The following RORA variants were observed in gnomAD, a reference collection of about 807,000 sequenced individuals.
RORA encodes RAR related orphan receptor A.
A neutral mutation model predicts 69.5 loss-of-function variants in RORA; 7 were observed. The ratio of observed to expected loss-of-function variants is 0.10; its 90% CI spans 0.06 to 0.19. The LOEUF (loss-of-function observed/expected upper bound fraction) is 0.19, where lower values mean the gene tolerates loss of function less well. Among genes scored for constraint, RORA ranks in the 10% least tolerant of loss-of-function variants. RORA has a pLI of 1.00. For missense variants in RORA, 457 were observed against 663.0 expected, an observed-to-expected ratio of 0.69 and a Z score of 3.41; for synonymous variants, 261 against 240.8, an observed-to-expected ratio of 1.08 and a Z score of -0.78.
At chr15:60,764,371 A>T (rs1339628849) in intron 1 of RORA, among the ~76,000 whole-genome samples, 1 of 152,160 alleles carries the variant, frequency 6.6e-6, no homozygotes, top group Non-Finnish European at 1.5e-5. Context: ...ACTATCAGTA[A>T]AATAAAGGAA....
intron 1 of RORA, among the ~76,000 whole-genome samples, chr15:61,205,320 T>C (rs78906910): frequency 0.024 from 3,585 of 152,244 alleles, 136 homozygotes; most frequent in African/African-American, 0.081. Flanking sequence ...GGGGGGCAAT[T>C]CTGAGGATAT....
intron 1 of RORA, among the ~76,000 whole-genome samples, chr15:60,866,662 C>T (rs2073490770): frequency 6.6e-6 from 1 of 152,058 alleles, no homozygotes; most frequent in African/African-American, 2.4e-5. Flanking sequence ...GCCAATCATG[C>T]CTACATGACA....
At chr15:60,911,008 T>G (rs535723776) in intron 1 of RORA, among the ~76,000 whole-genome samples, 3 of 150,310 alleles carry the variant, frequency 2.0e-5, no homozygotes, top group African/African-American at 7.4e-5. Context: ...GGTTCAATGA[T>G]TCTCCTGCTT....
rs571800649 is a variant in RORA, at chr15:60,847,023, C to A, written c.167-168337G>T. On this transcript the variant is annotated intron_variant, in intron 1 of 10. Coordinates refer to ENST00000335670, the MANE Select transcript of RORA (RefSeq NM_134261.3). ...TTTATGGTTAATATCAGGGTCACAG[C>A]AAGAGCTCAAGAGAGCATGGGTATA... 1.9e-4 allele frequency among the ~76,000 whole-genome samples: 29 copies of A among 152,298 alleles called. No individual in the cohort carries two copies. The South Asian group carries it at 5.2e-3, about 27-fold the overall frequency.
intron 2 of RORA, among the ~76,000 whole-genome samples, chr15:60,602,432 C>T (rs192281462): frequency 6.6e-6 from 1 of 152,092 alleles, no homozygotes; most frequent in African/African-American, 2.4e-5. Context: ...AAAGTTTTGT[C>T]CTCTTATGAA....
chr15:60,958,810 T>C (rs781350886), intron 1 of RORA, among the ~76,000 whole-genome samples: 20 of 152,234 alleles, frequency 1.3e-4, no homozygotes, highest in Admixed American at 2.6e-4. Flanking sequence ...AAGATGATTC[T>C]TGATTGTGGG....
chr15:60,799,151 A>T (rs1327937607), intron 1 of RORA, among the ~76,000 whole-genome samples: 1 of 152,170 alleles, frequency 6.6e-6, no homozygotes, highest in African/African-American at 2.4e-5. Context: ...CAGACTCTCT[A>T]TCTCTCTTTG....
chr15:60,735,580 A>AAAGAAAAACC (rs1555449381), intron 1 of RORA, among the ~76,000 whole-genome samples: 14 of 152,030 alleles, frequency 9.2e-5, no homozygotes, highest in African/African-American at 3.4e-4. Context: ...AAAAAGGAAA[A>AAAGAAAAACC]AAAAAAAACC....
intron 2 of RORA, among the ~76,000 whole-genome samples, chr15:60,645,136 T>A (rs1291370112): frequency 6.6e-6 from 1 of 152,060 alleles, no homozygotes; most frequent in Non-Finnish European, 1.5e-5. Flanking sequence ...CTGTCCCGGT[T>A]TACAAAAATT....
chr15:60,999,199 A>C (rs1184202337), intron 1 of RORA, among the ~76,000 whole-genome samples: 1 of 152,180 alleles, frequency 6.6e-6, no homozygotes, highest in African/African-American at 2.4e-5. Flanking sequence ...AAAATTGAGG[A>C]AGAGGTTGCT....
Position 61,128,889 on chromosome 15 carries a change from T to C in RORA, c.166+100164A>G, listed in dbSNP as rs558634812. On this transcript the variant is annotated intron_variant, in intron 1 of 10. Coordinates refer to ENST00000335670, the MANE Select transcript of RORA (RefSeq NM_134261.3). The surrounding 1 kb of genome is among the most constrained non-coding windows in gnomAD (Gnocchi z 4.5). ...ACCTGGTCCTGCACGCTCATTTACATGGGACCCAAGAAGAGACACTGGCCG... is the reference window on the plus strand; with the variant it reads ...ACCTGGTCCTGCACGCTCATTTACACGGGACCCAAGAAGAGACACTGGCCG... Among the ~76,000 whole-genome samples the C allele has an allele frequency of 6.6e-6, 1 of 152,314 alleles. No homozygotes were observed. Among genetic ancestry groups the C allele is most frequent in the South Asian group, 2.1e-4 (1 of 4,830 alleles).
intron 3 of RORA, among the ~76,000 whole-genome samples, chr15:60,516,664 G>C (rs1055750576): frequency 4.6e-5 from 7 of 151,958 alleles, no homozygotes; most frequent in Admixed American, 3.9e-4. Flanking sequence ...GGTCAATTTG[G>C]CAGTTGTATC....
chr15:60,915,181 C>A (rs1237221605), intron 1 of RORA, among the ~76,000 whole-genome samples: 4 of 152,196 alleles, frequency 2.6e-5, no homozygotes, highest in Non-Finnish European at 5.9e-5. Flanking sequence ...AGAAACAAGG[C>A]TATGGGCAGT....
intron 2 of RORA, among the ~76,000 whole-genome samples, chr15:60,571,520 C>T (rs2067880809): frequency 6.6e-6 from 1 of 152,154 alleles, no homozygotes; most frequent in Non-Finnish European, 1.5e-5. Flanking sequence ...TAAGACATCA[C>T]TTACAGCACT....
intron 2 of RORA, among the ~76,000 whole-genome samples, chr15:60,586,110 G>C (rs2068327259): frequency 6.6e-6 from 1 of 152,144 alleles, no homozygotes; most frequent in Non-Finnish European, 1.5e-5. Flanking sequence ...GGAACTAAAA[G>C]TATTCCTAAA....
chr15:60,587,122 C>A (rs963443193), intron 2 of RORA, among the ~76,000 whole-genome samples: 1 of 152,158 alleles, frequency 6.6e-6, no homozygotes, highest in Non-Finnish European at 1.5e-5. Context: ...TCAATTCTAT[C>A]ATAATGGCGA....
intron 1 of RORA, among the ~76,000 whole-genome samples, chr15:60,764,511 GA>G (rs1384659181): frequency 2.0e-5 from 3 of 151,670 alleles, no homozygotes; most frequent in Admixed American, 6.6e-5. Flanking sequence ...CAACAAATTA[GA>G]AATTCCTCCA....
intron 1 of RORA, among the ~76,000 whole-genome samples, chr15:60,966,593 G>C (rs541429540): frequency 4.8e-4 from 73 of 152,336 alleles, no homozygotes; most frequent in African/African-American, 1.7e-3. Flanking sequence ...TAAGTAACCA[G>C]AATGTTACAC....
intron 1 of RORA, among the ~76,000 whole-genome samples, chr15:61,110,289 G>C (rs12595311): frequency 6.6e-6 from 1 of 151,942 alleles, no homozygotes; most frequent in African/African-American, 2.4e-5. Flanking sequence ...CCAGATACTA[G>C]GGAGGCTGAG....
Sources: gnomAD v4.1 joint callset for allele counts (sites outside exome capture counted in the v4.1 genomes callset) on GRCh38, gnomAD v4.1.1 for gene constraint, Gnocchi (gnomAD v3.1) non-coding constraint, MANE v1.5 for transcripts, NCBI Gene and HGNC (gene_info 2026-07-23, HGNC 2026-07-21) for gene names.